IGSF11: variants seen among roughly 807,000 people sequenced by gnomAD.
IGSF11 encodes the protein immunoglobulin superfamily member 11, also known as CXADR like 1.
A neutral mutation model predicts 41.0 loss-of-function variants in IGSF11; 22 were observed. That is an observed-to-expected ratio of 0.54 (90% CI 0.38 to 0.77). The LOEUF (loss-of-function observed/expected upper bound fraction) is 0.77, where lower values mean the gene tolerates loss of function less well. IGSF11 is among the 30% of genes least tolerant of loss of function. The pLI is 0.00. For missense variants in IGSF11, 444 were observed against 530.8 expected (o/e 0.84, Z 1.61); for synonymous variants, 219 against 201.3 (o/e 1.09, Z -0.74).
chr3:118,905,564 C>T, intron 5 of IGSF11, 32 bp downstream of exon 5: 2 of 1,612,522 alleles, frequency 1.2e-6, no homozygotes, highest in Non-Finnish European at 1.7e-6. Context: ...GTTTCAGACC[C>T]ATGGTTGACA....
rs1363962345 is a variant in IGSF11, at chr3:118,917,317, G to C, written c.580+8784C>G. On this transcript the variant is annotated intron_variant, in intron 4 of 6. Transcript: ENST00000393775. ...CCCTTCAAAAAATCAATGAATCCAG[G>C]AGCTGGTTTTCTGAAAGGATCAACA... 3.3e-5 allele frequency among the ~76,000 whole-genome samples: 5 copies of C among 150,558 alleles called. No homozygotes were observed. The South Asian group carries it at 1.1e-3, about 32-fold the overall frequency.
rs1942026196 is a variant in IGSF11, at chr3:118,923,571, A to C, written c.580+2530T>G. Among the ~76,000 whole-genome samples, 3 of 152,176 alleles carry C rather than the reference A, an allele frequency of 2.0e-5. No individual in the cohort carries two copies. In the South Asian group the frequency reaches 6.2e-4, roughly 31 times the overall value. ...ATTCTAAGCCAAGATTCTTCATTAC[A>C]TCTAGTCATCTTAACCCACTTATGC... is the stretch of plus-strand genomic sequence containing the variant. On this transcript the variant is annotated intron_variant, in intron 4 of 6. Transcript: ENST00000393775.
chr3:119,030,701 C>T (rs1940313033), intron 1 of IGSF11, among the ~76,000 whole-genome samples: 1 of 152,150 alleles, frequency 6.6e-6, no homozygotes, highest in Non-Finnish European at 1.5e-5. Context: ...GCCAGTTGCT[C>T]ACAAAGTATG....
chr3:119,124,944 C>G (rs910481019), intron 1 of IGSF11, among the ~76,000 whole-genome samples: 4 of 152,132 alleles, frequency 2.6e-5, no homozygotes, highest in African/African-American at 9.7e-5. Flanking sequence ...TACAATGGAG[C>G]TCCAATACAT....
At chr3:119,073,957 A>G (rs2076448587) in intron 1 of IGSF11, among the ~76,000 whole-genome samples, 2 of 152,200 alleles carry the variant, frequency 1.3e-5, no homozygotes, top group African/African-American at 4.8e-5. Context: ...GCACGCTGTC[A>G]CCTCTCAAGG....
intron 1 of IGSF11, among the ~76,000 whole-genome samples, chr3:119,101,754 G>T (rs984472797): frequency 8.6e-5 from 13 of 151,986 alleles, no homozygotes; most frequent in Admixed American, 7.9e-4. Flanking sequence ...TATATCTGTG[G>T]GCTAACCCTA....
upstream of IGSF11, among the ~76,000 whole-genome samples, chr3:119,036,034 T>C (rs201105042): frequency 2.0e-5 from 3 of 152,368 alleles, no homozygotes; most frequent in East Asian, 5.8e-4. Flanking sequence ...AAAATTAAAA[T>C]ATCAAGATGG....
intron 1 of IGSF11, among the ~76,000 whole-genome samples, chr3:119,110,645 C>T (rs1018023692): frequency 3.3e-5 from 5 of 152,144 alleles, no homozygotes; most frequent in East Asian, 1.9e-4. Flanking sequence ...GATGTTAGCT[C>T]GTTATTTTGC....
intron 1 of IGSF11, among the ~76,000 whole-genome samples, chr3:118,959,394 G>A (rs906966689): frequency 4.6e-5 from 7 of 152,266 alleles, no homozygotes; most frequent in African/African-American, 9.6e-5. Context: ...AAAACAGGGA[G>A]AAGAATAAAC....
At chr3:118,981,880 T>C (rs1032361370) in intron 1 of IGSF11, 2 of 153,194 alleles carry the variant, frequency 1.3e-5, no homozygotes, top group Non-Finnish European at 2.9e-5. Flanking sequence ...AGAGTACATG[T>C]CCTGGATGAC....
chr3:118,929,246 G>C (rs1942629566), intron 2 of IGSF11, among the ~76,000 whole-genome samples: 1 of 152,150 alleles, frequency 6.6e-6, no homozygotes, highest in Non-Finnish European at 1.5e-5. Context: ...CTGCGAGTGA[G>C]GGACTCAGTT....
rs1218834413 is a variant in IGSF11 at position 119,089,080 on chromosome 3, G to A, written c.49+16064C>T. On this transcript the variant is annotated intron_variant, in intron 1 of 6. Transcript: ENST00000354673. ...TAGGAGCTCTCCTGACTAACTCTAT[G>A]AAGCCAGCATCAGCTTGATACAAAA... is the stretch of plus-strand genomic sequence containing the variant. 2.6e-5 allele frequency among the ~76,000 whole-genome samples: 4 copies of A among 152,118 alleles called. No individual in the cohort carries two copies. The East Asian group carries it at 7.7e-4, about 29-fold the overall frequency.
intron 6 of IGSF11, 148 bp from the exon 7 acceptor site, chr3:118,903,109 A>G (rs1939120749): frequency 1.4e-6 from 1 of 712,720 alleles, no homozygotes; most frequent in South Asian, 2.0e-5. Flanking sequence ...CAGGCATGGC[A>G]ACCCTGGATG....
At chr3:119,016,545 T>C (rs923048418) in intron 1 of IGSF11, among the ~76,000 whole-genome samples, 37 of 152,232 alleles carry the variant, frequency 2.4e-4, no homozygotes, top group African/African-American at 8.7e-4. Context: ...TAGTTCAATG[T>C]GTACAGATTA....
At chr3:119,064,422 C>T (rs888352177) in intron 1 of IGSF11, among the ~76,000 whole-genome samples, 9 of 151,996 alleles carry the variant, frequency 5.9e-5, no homozygotes, top group Non-Finnish European at 1.2e-4. Context: ...CCCAAAACCA[C>T]GCTGTCCTAC....
upstream of IGSF11, among the ~76,000 whole-genome samples, chr3:119,036,885 T>C (rs755770690): frequency 2.6e-5 from 4 of 151,378 alleles, no homozygotes; most frequent in Admixed American, 2.6e-4. Context: ...GCCCTTTCAA[T>C]AGAAAAAAAA....
chr3:119,091,271 C>A (rs1352694564), intron 1 of IGSF11, among the ~76,000 whole-genome samples: 1 of 152,178 alleles, frequency 6.6e-6, no homozygotes, highest in African/African-American at 2.4e-5. Flanking sequence ...TAAATTAGTT[C>A]AGCTTCTGTG....
chr3:118,957,015 G>A (rs1317242179), intron 1 of IGSF11, among the ~76,000 whole-genome samples: 6 of 152,020 alleles, frequency 3.9e-5, no homozygotes, highest in African/African-American at 1.4e-4. Context: ...AGGCTGAGAA[G>A]TCCCATGATT....
intron 1 of IGSF11, among the ~76,000 whole-genome samples, chr3:119,092,273 TTAAAA>T (rs1339317627): frequency 2.0e-5 from 3 of 152,164 alleles, no homozygotes; most frequent in Non-Finnish European, 2.9e-5. Context: ...TTAAACAAAG[TTAAAA>T]TAAAGAAAAA....
Sources: allele counts gnomAD v4.1 joint callset (sites outside exome capture counted in the v4.1 genomes callset), GRCh38; gene constraint gnomAD v4.1.1; transcripts MANE v1.5; gene names NCBI Gene and HGNC (gene_info 2026-07-23, HGNC 2026-07-21).